The following DOK6 variants were observed in gnomAD, a reference collection of about 807,000 sequenced individuals.
DOK6 encodes downstream of tyrosine kinase 6.
Under a neutral mutation model 44.0 loss-of-function variants are expected in DOK6, and 22 were observed. That is an observed-to-expected ratio of 0.50 (90% CI 0.36 to 0.71). The LOEUF (loss-of-function observed/expected upper bound fraction) is 0.71, where lower values mean the gene tolerates loss of function less well. Ranked by LOEUF, DOK6 falls within the 30% of genes least tolerant of loss-of-function variation. DOK6 has a pLI of 0.00. For missense variants in DOK6, 340 were observed against 416.4 expected (o/e 0.82, Z 1.60); for synonymous variants, 166 against 145.5 (o/e 1.14, Z -1.01).
intron 3 of DOK6, among the ~76,000 whole-genome samples, chr18:69,614,871 C>T (rs913230335): frequency 6.6e-6 from 1 of 151,690 alleles, no homozygotes; most frequent in Admixed American, 6.6e-5. Flanking sequence ...TTTAAGAAAG[C>T]ATTTCTATTA....
In DOK6 at chr18:69,611,433, AC is replaced by A; in HGVS notation, c.289+11936del. Among the ~76,000 whole-genome samples the A allele has an allele frequency of 3.3e-5, 5 of 152,252 alleles. 1 individual carries two copies. Among genetic ancestry groups the A allele is most frequent in the Admixed American group, 3.3e-4 (5 of 15,290 alleles). The stretch of plus-strand genomic sequence containing the variant: ...ATAAAATTAAACATGAAATTACCAT[AC>A]AACCTAGAAATTACACTCTTAGGCA... On this transcript the variant is annotated intron_variant, in intron 3 of 7. Transcript: ENST00000382713.
At chr18:69,430,632 G>C (rs1978778002) in intron 1 of DOK6, among the ~76,000 whole-genome samples, 1 of 152,098 alleles carries the variant, frequency 6.6e-6, no homozygotes, top group Non-Finnish European at 1.5e-5. Flanking sequence ...AAATAGCAGA[G>C]AGTATATGCA....
chr18:69,615,081 T>C (rs767387239), intron 3 of DOK6, among the ~76,000 whole-genome samples: 1 of 152,178 alleles, frequency 6.6e-6, no homozygotes, highest in African/African-American at 2.4e-5. Flanking sequence ...ATAGATTTTA[T>C]CGATGTTAGA....
At chr18:69,512,539 T>C (rs966217341) in intron 1 of DOK6, among the ~76,000 whole-genome samples, 47 of 152,088 alleles carry the variant, frequency 3.1e-4, no homozygotes, top group African/African-American at 1.0e-3. Context: ...AGACAGAGTT[T>C]TGCCATGTTG....
At chr18:69,717,571 C>T (rs1363812136) in intron 5 of DOK6, among the ~76,000 whole-genome samples, 1 of 152,086 alleles carries the variant, frequency 6.6e-6, no homozygotes, top group African/African-American at 2.4e-5. Context: ...CTCCAGGGGG[C>T]CACAAAGAGA....
At chr18:69,681,891 C>A (rs1194452266) in intron 4 of DOK6, among the ~76,000 whole-genome samples, 1 of 152,134 alleles carries the variant, frequency 6.6e-6, no homozygotes, top group African/African-American at 2.4e-5. Flanking sequence ...AAGGATAGGT[C>A]CAATTTGCTA....
At chr18:69,459,187 TTGTGTG>T (rs71176967) in intron 1 of DOK6, among the ~76,000 whole-genome samples, 30,952 of 136,700 alleles carry the variant, frequency 0.23, 3,720 homozygotes, top group East Asian at 0.55. Context: ...AAAAAATATT[TTGTGTG>T]TGTGTGTGTG....
chr18:69,684,728 A>T (rs1409207017), intron 4 of DOK6, among the ~76,000 whole-genome samples: 1 of 152,164 alleles, frequency 6.6e-6, no homozygotes, highest in Non-Finnish European at 1.5e-5. Flanking sequence ...CTAGAATGTG[A>T]TTTTCCCTGT....
chr18:69,525,939 A>T (rs1271091339), intron 1 of DOK6, among the ~76,000 whole-genome samples: 1 of 152,222 alleles, frequency 6.6e-6, no homozygotes, highest in East Asian at 1.9e-4. Context: ...AAACACACAC[A>T]GTAAAGTTTG....
intron 7 of DOK6, among the ~76,000 whole-genome samples, chr18:69,765,750 C>G (rs1415656198): frequency 6.6e-6 from 1 of 152,102 alleles, no homozygotes; most frequent in Non-Finnish European, 1.5e-5. Flanking sequence ...TGAATATTAA[C>G]TTTACCACTA....
At chr18:69,404,181 T>C (rs1916154335) in intron 1 of DOK6, among the ~76,000 whole-genome samples, 1 of 152,210 alleles carries the variant, frequency 6.6e-6, no homozygotes, top group Non-Finnish European at 1.5e-5. Context: ...CCCTTTGCTC[T>C]TCACAGATAA....
intron 3 of DOK6, among the ~76,000 whole-genome samples, chr18:69,665,573 G>A (rs1477783570): frequency 6.6e-6 from 1 of 152,076 alleles, no homozygotes; most frequent in Non-Finnish European, 1.5e-5. Flanking sequence ...GCCTTAACTC[G>A]ACCTCTGAAG....
At chr18:69,608,026 T>A (rs182143000) in intron 3 of DOK6, among the ~76,000 whole-genome samples, 84 of 152,246 alleles carry the variant, frequency 5.5e-4, no homozygotes, top group Middle Eastern at 3.4e-3. Context: ...AATGGCAAAA[T>A]TGTTTTTTTA....
chr18:69,669,798 C>T (rs1365006073), intron 3 of DOK6, among the ~76,000 whole-genome samples: 1 of 152,038 alleles, frequency 6.6e-6, no homozygotes, highest in Non-Finnish European at 1.5e-5. Context: ...TATTAAGCTT[C>T]AAGTAGATTT....
intron 7 of DOK6, among the ~76,000 whole-genome samples, chr18:69,762,149 G>A (rs2364889): frequency 0.55 from 61,130 of 110,434 alleles, 13,944 homozygotes; most frequent in East Asian, 0.76. Flanking sequence ...ATCTCTGCAT[G>A]CATACATACA....
intron 7 of DOK6, among the ~76,000 whole-genome samples, chr18:69,783,663 T>G (rs948699463): frequency 6.6e-6 from 1 of 152,160 alleles, no homozygotes; most frequent in Non-Finnish European, 1.5e-5. Context: ...GGATTTGTAT[T>G]TTTAATTATT....
intron 1 of DOK6, among the ~76,000 whole-genome samples, chr18:69,458,286 A>G (rs1486767438): frequency 6.6e-6 from 1 of 152,232 alleles, no homozygotes; most frequent in Non-Finnish European, 1.5e-5. Context: ...AAAAGAATTA[A>G]AAGCAAAAAC....
chr18:69,527,268 A>G (rs1315833639), intron 1 of DOK6, among the ~76,000 whole-genome samples: 2 of 152,206 alleles, frequency 1.3e-5, no homozygotes, highest in Non-Finnish European at 2.9e-5. Flanking sequence ...TCACGCTGCT[A>G]TGAAGAAACA....
chr18:69,628,267 G>T (rs1174342525), intron 3 of DOK6, among the ~76,000 whole-genome samples: 1 of 152,122 alleles, frequency 6.6e-6, no homozygotes, highest in Non-Finnish European at 1.5e-5. Context: ...GAGGCAGGTG[G>T]ATCACTTGAG....
Sources: allele counts gnomAD v4.1 joint callset (sites outside exome capture counted in the v4.1 genomes callset), GRCh38; gene constraint gnomAD v4.1.1; transcripts MANE v1.5; gene names NCBI Gene and HGNC (gene_info 2026-07-23, HGNC 2026-07-21).